The following AFDN variants were observed in gnomAD, a reference collection of about 807,000 sequenced individuals.
AFDN encodes afadin.
Under a neutral mutation model 216.6 loss-of-function variants are expected in AFDN, and 68 were observed. That is an observed-to-expected ratio of 0.31 (90% confidence interval 0.26 to 0.38). The LOEUF (loss-of-function observed/expected upper bound fraction) is 0.38, where lower values mean the gene tolerates loss of function less well. Among genes scored for constraint, AFDN ranks in the 10% least tolerant of loss-of-function variants. AFDN has a pLI of 1.00. For missense variants in AFDN, 2,136 were observed against 2,342.0 expected (o/e 0.91, Z 1.82); for synonymous variants, 868 against 853.7 (o/e 1.02, Z -0.29).
chr6:167,874,610 A>ATTTTTTTTTTTTT (rs34069250), intron 4 of AFDN, among the ~76,000 whole-genome samples: 1 of 113,266 alleles, frequency 8.8e-6, no homozygotes, highest in Non-Finnish European at 1.8e-5. Flanking sequence ...ATTTGCTATA[A>ATTTTTTTTTTTTT]TTTTTTTTTT....
chr6:167,900,929 G>A (rs1788865313), intron 11 of AFDN, among the ~76,000 whole-genome samples: 1 of 152,160 alleles, frequency 6.6e-6, no homozygotes, highest in Non-Finnish European at 1.5e-5. Context: ...AGAAAGTTGT[G>A]TGCAGAAAAT....
chr6:167,917,193 G>A lies in AFDN; in HGVS notation c.2670G>A (p.Gln890=). 6.2e-7 allele frequency: 1 copy of A among 1,608,472 alleles called. No individual in the cohort carries two copies. The highest frequency in any genetic ancestry group is 8.5e-7 in the Non-Finnish European group (1 of 1,178,540). The change falls in exon 20 of 34, where the codon CAG becomes CAA. Residue 890 remains glutamine (Q), a synonymous_variant. Transcript: ENST00000683244. ...LNSLQLQALL[Q]NYHCAPDEPF... ...CATTACAACTTCAAGCCTTATTACA[G>A]AACTATCACTGTGCACCTGATGAGC...
At chr6:167,915,523 C>A in intron 19 of AFDN, 90 bp downstream of exon 19, 1 of 1,425,036 alleles carries the variant, frequency 7.0e-7, no homozygotes, top group Non-Finnish European at 9.4e-7. Context: ...GCAGCAAAAC[C>A]TCAATACCCT....
chr6:167,914,336 C>T (rs1172861001), intron 17 of AFDN, 23 bp downstream of exon 17: 13 of 1,610,430 alleles, frequency 8.1e-6, no homozygotes, highest in African/African-American at 2.7e-5. Flanking sequence ...TTTTTGAAGG[C>T]GGCACTACTC....
In AFDN at chr6:167,962,920, A is replaced by G; in HGVS notation, c.4968+353A>G. ...TTGTGAAGGTGACATTGGTTCAGTG[A>G]TTGCTTAAATGGCATGTGGACCGTG... is the stretch of plus-strand genomic sequence containing the variant. On this transcript the variant is annotated intron_variant, in intron 31 of 33. Coordinates refer to ENST00000683244, the MANE Select transcript of AFDN (RefSeq NM_001386888.1). The surrounding 1 kb of genome is among the most constrained non-coding windows in gnomAD (Gnocchi z 5.2). 1 of 1,145,406 alleles carries G rather than the reference A, an allele frequency of 8.7e-7. No homozygotes were observed. The highest frequency in any genetic ancestry group is 1.1e-6 in the Non-Finnish European group (1 of 925,894). The allele number at this position is 1,145,406 out of a possible 1,614,324, so 71.0% of individuals were successfully genotyped here.
At chr6:167,967,883 T>G (rs372525185) in intron 32 of AFDN, among the ~76,000 whole-genome samples, 4 of 152,188 alleles carry the variant, frequency 2.6e-5, no homozygotes, top group African/African-American at 9.6e-5. Context: ...AGCATGCTTC[T>G]GCAGATGGAC....
Position 167,913,399 on chromosome 6 carries a change from C to T in AFDN, c.2038-4C>T. The T allele has an allele frequency of 1.3e-6, 2 of 1,535,790 alleles. No individual in the cohort carries two copies. The highest frequency in any genetic ancestry group is 1.7e-6 in the Non-Finnish European group (2 of 1,146,766). ...TTGATTTCCCCTCGTCTGTTTTTCTCCAGGAAGTAGACCAGGTTGACCAGG... is the reference window on the plus strand; with the variant it reads ...TTGATTTCCCCTCGTCTGTTTTTCTTCAGGAAGTAGACCAGGTTGACCAGG... On this transcript the variant is annotated splice_polypyrimidine_tract_variant and splice_region_variant and intron_variant, in intron 15 of 33. Transcript: ENST00000683244.
rs773944187 is a variant in AFDN at position 167,893,866 on chromosome 6, A to G, written c.1182A>G (p.Arg394=). ...LPYLVELSPG[R]RNHFAYYNYH... ...TGGCATGTGTCTTAACCCCAGGGAG[A>G]AGGAATCACTTTGCCTACTACAACT... is the stretch of plus-strand genomic sequence containing the variant. Residue 394 remains arginine (R), a synonymous_variant, in exon 9 of 34, where the codon AGA becomes AGG. Transcript: ENST00000683244. The G allele has an allele frequency of 1.3e-6, 2 of 1,587,278 alleles. No homozygotes were observed. The highest frequency in any genetic ancestry group is 2.3e-5 in the South Asian group (2 of 86,746).
intron 13 of AFDN, among the ~76,000 whole-genome samples, chr6:167,910,542 G>T (rs2128451294): frequency 6.6e-6 from 1 of 152,302 alleles, no homozygotes; most frequent in Admixed American, 6.5e-5. Flanking sequence ...GAAGAAATGT[G>T]AGTGAGTAGA....
intron 23 of AFDN, among the ~76,000 whole-genome samples, chr6:167,933,929 C>T (rs770323587): frequency 6.6e-6 from 1 of 152,200 alleles, no homozygotes; most frequent in Non-Finnish European, 1.5e-5. Flanking sequence ...CCCCATCTCT[C>T]TCAGTGGAAT....
chr6:167,872,784 A>AG (rs1459027860), intron 4 of AFDN, among the ~76,000 whole-genome samples: 1 of 152,170 alleles, frequency 6.6e-6, no homozygotes, highest in Non-Finnish European at 1.5e-5. Context: ...GGTGAAAAGC[A>AG]GGTTTTCCCT....
intron 3 of AFDN, among the ~76,000 whole-genome samples, chr6:167,870,760 A>G (rs951934093): frequency 8.5e-5 from 13 of 152,184 alleles, no homozygotes; most frequent in Admixed American, 1.3e-4. Context: ...TTTAATGATC[A>G]GGTGATCAGC....
Position 167,918,798 on chromosome 6 carries a change from G to A in AFDN, c.2773G>A (p.Gly925Arg). The A allele has an allele frequency of 6.2e-7, 1 of 1,613,342 alleles. No homozygotes were observed. The highest frequency in any genetic ancestry group is 8.5e-7 in the Non-Finnish European group (1 of 1,179,496). The change falls in exon 21 of 34, where the codon GGA becomes AGA. Residue 925 changes from glycine (G) to arginine (R), a missense_variant. Gly to Arg is a moderately radical substitution (Grantham distance 125, BLOSUM62 -2). Transcript: ENST00000683244. ...TGCCGATGAGCTGGCCCGCAGTGATGGAAGGGAAGTGCAGTTGGAGGAGGA... is the reference window on the plus strand; with the variant it reads ...TGCCGATGAGCTGGCCCGCAGTGATAGAAGGGAAGTGCAGTTGGAGGAGGA... ...NTADELARSDGREVQLEEDPD... is the reference protein window; with the variant it reads ...NTADELARSDRREVQLEEDPD...
At chr6:167,933,819 C>T (rs1461451121) in intron 23 of AFDN, among the ~76,000 whole-genome samples, 1 of 152,154 alleles carries the variant, frequency 6.6e-6, no homozygotes, top group African/African-American at 2.4e-5. Flanking sequence ...AATGTTGATC[C>T]TCTAAAGAGC....
Position 167,947,266 on chromosome 6 carries a change from A to G in AFDN, c.3553+365A>G, listed in dbSNP as rs190479171. Among the ~76,000 whole-genome samples the G allele has an allele frequency of 1.0e-3, 156 of 149,706 alleles. 6 individuals are homozygous for G. In the East Asian group the frequency reaches 0.026, roughly 25 times the overall value. ...GCGATCTCGGCTAACTGCAAGCTCCACCTCCTGGGTTCATGCCATTCTCCT... is the reference window on the plus strand; with the variant it reads ...GCGATCTCGGCTAACTGCAAGCTCCGCCTCCTGGGTTCATGCCATTCTCCT... On this transcript the variant is annotated intron_variant, in intron 27 of 33. Transcript: ENST00000683244.
At chr6:167,831,590 G>C (rs1431336989) in intron 1 of AFDN, among the ~76,000 whole-genome samples, 3 of 152,122 alleles carry the variant, frequency 2.0e-5, no homozygotes, top group Non-Finnish European at 2.9e-5. Context: ...TTGCAGACCT[G>C]ATGGAAAATA....
chr6:167,848,391 C>T (rs547580830), intron 1 of AFDN, among the ~76,000 whole-genome samples: 1 of 152,210 alleles, frequency 6.6e-6, no homozygotes, highest in South Asian at 2.1e-4. Context: ...TTTCTGCCTC[C>T]CCCAAGAAAA....
Position 167,911,341 on chromosome 6 carries a change from T to G in AFDN, c.1889T>G (p.Phe630Cys), listed in dbSNP as rs1415125575. ...TATACTAATAGCTCTACAGTCCACT[T>G]TAAGTTGTCCCCTACATATGTATTA... ...INYTNSSTVHFKLSPTYVLYM... is the reference protein window; with the variant it reads ...INYTNSSTVHCKLSPTYVLYM... The change falls in exon 15 of 34, where the codon TTT (phenylalanine) becomes TGT (cysteine). Residue 630 changes from phenylalanine to cysteine, a missense_variant. Coordinates refer to ENST00000683244, the MANE Select transcript of AFDN (RefSeq NM_001386888.1). The G allele has an allele frequency of 6.2e-7, 1 of 1,614,158 alleles. No homozygotes were observed. Among genetic ancestry groups the G allele is most frequent in the Admixed American group, 1.7e-5 (1 of 60,022 alleles).
chr6:167,872,432 T>C lies in AFDN; in HGVS notation c.578+55T>C, dbSNP rs950709116. ...CTTTGTGCTCCAAATCAGATGTTTT[T>C]GTTGCACCAAAATTGTTAAATTTTC... On this transcript the variant is annotated intron_variant, in intron 4 of 33. Coordinates refer to ENST00000683244, the MANE Select transcript of AFDN (RefSeq NM_001386888.1). 4 of 1,544,714 alleles carry C rather than the reference T, an allele frequency of 2.6e-6. No individual in the cohort carries two copies. The African/African-American group carries it at 4.2e-5, about 16-fold the overall frequency.
Sources: allele counts gnomAD v4.1 joint callset (sites outside exome capture counted in the v4.1 genomes callset), GRCh38; gene constraint gnomAD v4.1.1; non-coding constraint Gnocchi (gnomAD v3.1); transcripts MANE v1.5; gene names NCBI Gene and HGNC (gene_info 2026-07-23, HGNC 2026-07-21).